The following LINGO2 variants were observed in gnomAD, a reference collection of about 807,000 sequenced individuals.
LINGO2 encodes the protein leucine rich repeat and Ig domain containing 2, also known as leucine-rich repeat and immunoglobulin-like domain-containing nogo receptor-interacting protein 2.
LINGO2 carries 14 observed loss-of-function variants against 30.6 expected under a neutral mutation model. The observed-to-expected ratio is 0.46, with a 90% confidence interval of 0.30 to 0.72. The LOEUF (loss-of-function observed/expected upper bound fraction) is 0.72. Ranked by LOEUF, LINGO2 falls within the 30% of genes least tolerant of loss-of-function variation. The pLI, the probability that LINGO2 is intolerant of heterozygous loss-of-function variation, is 0.07. For missense variants in LINGO2, 729 were observed against 751.7 expected, an observed-to-expected ratio of 0.97 and a Z score of 0.35; for synonymous variants, 317 against 288.5, an observed-to-expected ratio of 1.10 and a Z score of -1.00.
chr9:28,511,943 C>T (rs1255680992), intron 1 of LINGO2, among the ~76,000 whole-genome samples: 1 of 152,168 alleles, frequency 6.6e-6, no homozygotes, highest in Non-Finnish European at 1.5e-5. Context: ...GAAAAACCGT[C>T]TGTGAACCAG....
chr9:27,990,526 GAATAT>G (rs1292080747), intron 5 of LINGO2, among the ~76,000 whole-genome samples: 1 of 146,818 alleles, frequency 6.8e-6, no homozygotes, highest in Admixed American at 7.0e-5. Context: ...CCAGCCAATG[GAATAT>G]AATATATGAA....
chr9:28,700,359 T>C, the LINGO2 span, among the ~76,000 whole-genome samples: 14 of 152,218 alleles, frequency 9.2e-5, no homozygotes, highest in East Asian at 2.5e-3. Context: ...ACTTTTTACT[T>C]TCTCTAGAAT....
At chr9:29,006,791 C>T in the LINGO2 span, among the ~76,000 whole-genome samples, 1 of 151,966 alleles carries the variant, frequency 6.6e-6, no homozygotes, top group Non-Finnish European at 1.5e-5. Flanking sequence ...CTAAATCAAA[C>T]ATAGGAAAGG....
chr9:28,044,995 C>T lies in LINGO2; in HGVS notation c.-86-32590G>A, dbSNP rs571443628. On this transcript the variant is annotated intron_variant, in intron 4 of 5. Transcript: ENST00000379992. ...GTTTTCCTGACTCCCATGTGCATTT[C>T]GTAATCCCAGTGTGCCAGTGGGCCC... Among the ~76,000 whole-genome samples, 27 of 152,146 alleles carry T rather than the reference C, an allele frequency of 1.8e-4. No homozygotes were observed. In the East Asian group the frequency reaches 2.7e-3, roughly 15 times the overall value.
chr9:28,916,728 C>A, the LINGO2 span, among the ~76,000 whole-genome samples: 1 of 152,184 alleles, frequency 6.6e-6, no homozygotes, highest in African/African-American at 2.4e-5. Context: ...TTCTCAGGAT[C>A]TCCTGAGACT....
At chr9:28,559,703 T>C (rs934023479) in intron 1 of LINGO2, among the ~76,000 whole-genome samples, 1 of 152,140 alleles carries the variant, frequency 6.6e-6, no homozygotes, top group Non-Finnish European at 1.5e-5. Context: ...ATGTCAGTCT[T>C]GTGTCCTTTT....
chr9:28,877,635 T>C, the LINGO2 span, among the ~76,000 whole-genome samples: 1 of 152,218 alleles, frequency 6.6e-6, no homozygotes, highest in Admixed American at 6.5e-5. Context: ...ACCAGTACCA[T>C]GCTGTTTTGG....
At chr9:28,430,999 A>G (rs956875191) in intron 2 of LINGO2, among the ~76,000 whole-genome samples, 2 of 146,182 alleles carry the variant, frequency 1.4e-5, no homozygotes, top group South Asian at 2.2e-4. Flanking sequence ...TTCTGAGAAC[A>G]TGATAACTTG....
chr9:28,319,333 C>T (rs1201432112), intron 3 of LINGO2, among the ~76,000 whole-genome samples: 5 of 152,182 alleles, frequency 3.3e-5, no homozygotes, highest in Admixed American at 2.6e-4. Context: ...CTTCTTTCAT[C>T]TATCTTTTTC....
chr9:28,973,681 C>A, the LINGO2 span, among the ~76,000 whole-genome samples: 3 of 152,172 alleles, frequency 2.0e-5, no homozygotes, highest in African/African-American at 4.8e-5. Flanking sequence ...TTATAAATTA[C>A]CCAGTCTCAG....
chr9:29,053,130 C>T, the LINGO2 span, among the ~76,000 whole-genome samples: 2 of 151,842 alleles, frequency 1.3e-5, no homozygotes, highest in African/African-American at 2.4e-5. Context: ...CAATGTACTA[C>T]TCTTGATAAA....
chr9:28,733,517 T>C, the LINGO2 span, among the ~76,000 whole-genome samples: 6,505 of 152,204 alleles, frequency 0.043, 477 homozygotes, highest in African/African-American at 0.14. Flanking sequence ...AATTTTCAGG[T>C]TCGAGATAAA....
the LINGO2 span, among the ~76,000 whole-genome samples, chr9:29,075,911 T>C: frequency 2.0e-5 from 3 of 152,156 alleles, no homozygotes; most frequent in Non-Finnish European, 4.4e-5. Context: ...ATTTTGGACA[T>C]ACGGTCTGAC....
At chr9:27,946,703 C>G (rs2118219046), downstream of LINGO2, among the ~76,000 whole-genome samples, 1 of 152,196 alleles carries the variant, frequency 6.6e-6, no homozygotes, top group African/African-American at 2.4e-5. Flanking sequence ...ATAGAGTTTG[C>G]AGCAGAGCTT....
the LINGO2 span, among the ~76,000 whole-genome samples, chr9:28,939,717 C>A: frequency 6.6e-6 from 1 of 152,098 alleles, no homozygotes; most frequent in African/African-American, 2.4e-5. Flanking sequence ...ATTTATCTAT[C>A]TTCAAGGTAA....
At chr9:28,071,485 G>A (rs1389191655) in intron 4 of LINGO2, among the ~76,000 whole-genome samples, 1 of 151,786 alleles carries the variant, frequency 6.6e-6, no homozygotes, top group Non-Finnish European at 1.5e-5. Context: ...CTTTTTATGT[G>A]TAAATTTCTC....
intron 4 of LINGO2, among the ~76,000 whole-genome samples, chr9:28,087,872 C>A (rs1587829350): frequency 6.6e-6 from 1 of 152,052 alleles, no homozygotes; most frequent in East Asian, 1.9e-4. Context: ...CAATTTCCTC[C>A]ATGGCTACCT....
At chr9:28,701,154 ATTTT>A in the LINGO2 span, among the ~76,000 whole-genome samples, 1 of 151,894 alleles carries the variant, frequency 6.6e-6, no homozygotes, top group African/African-American at 2.4e-5. Context: ...GACATTTTTA[ATTTT>A]AATCAAACCC....
chr9:28,452,921 T>G (rs887084420), intron 2 of LINGO2, among the ~76,000 whole-genome samples: 2 of 151,830 alleles, frequency 1.3e-5, no homozygotes, highest in African/African-American at 4.8e-5. Context: ...ATATCTTGCT[T>G]AAGGAGGAGT....
Sources: gnomAD v4.1 joint callset for allele counts (sites outside exome capture counted in the v4.1 genomes callset) on GRCh38, gnomAD v4.1.1 for gene constraint, MANE v1.5 for transcripts, NCBI Gene and HGNC (gene_info 2026-07-23, HGNC 2026-07-21) for gene names.